The following CHD1 variants were observed in gnomAD, a reference collection of about 807,000 sequenced individuals.
The protein encoded by CHD1 is chromodomain helicase DNA binding protein 1.
Under a neutral mutation model 224.2 loss-of-function variants are expected in CHD1, and 36 were observed. The ratio of observed to expected loss-of-function variants is 0.16; its 90% CI spans 0.12 to 0.21. The LOEUF is 0.21. CHD1 is among the 10% of genes least tolerant of loss of function. The pLI is 1.00. For synonymous variants in CHD1, 668 were observed against 658.3 expected, an observed-to-expected ratio of 1.01 and a Z score of -0.23; for missense variants, 1,378 against 1,994.8, an observed-to-expected ratio of 0.69 and a Z score of 5.89.
intron 2 of CHD1, among the ~76,000 whole-genome samples, chr5:98,922,875 G>A (rs908864964): frequency 6.6e-6 from 1 of 152,128 alleles, no homozygotes; most frequent in Non-Finnish European, 1.5e-5. Flanking sequence ...TGTAGTCCCA[G>A]CTACTCGGGA....
chr5:98,903,659 T>A, intron 4 of CHD1, 133 bp downstream of exon 4: 1 of 732,390 alleles, frequency 1.4e-6, no homozygotes, highest in Non-Finnish European at 2.4e-6. Context: ...TCAAGATTCT[T>A]GATATATACA....
At position 98,926,477 on chromosome 5, in the gene CHD1, T is replaced by A; in HGVS notation, c.-91A>T. On this transcript the variant is annotated 5_prime_UTR_variant, in exon 2 of 36. Coordinates refer to ENST00000614616, the MANE Select transcript of CHD1 (RefSeq NM_001270.4). ...AATACTGACTCCTTGAATATAAAAA[T>A]TCACAGATGAATTTTCTTCAACAGT... The A allele has an allele frequency of 1.7e-6, 1 of 596,900 alleles. No homozygotes were observed. The highest frequency in any genetic ancestry group is 2.7e-6 in the Non-Finnish European group (1 of 375,256). The allele number at this position is 596,900 out of a possible 1,614,324, so 37.0% of individuals were successfully genotyped here.
chr5:98,927,573 C>A (rs1753557521), intron 1 of CHD1, among the ~76,000 whole-genome samples: 1 of 152,214 alleles, frequency 6.6e-6, no homozygotes. Context: ...GTAGACTCTG[C>A]AAGAACAGGT....
At chr5:98,881,940 CTAAAA>C in intron 20 of CHD1, 30 bp downstream of exon 20, 1 of 1,591,864 alleles carries the variant, frequency 6.3e-7, no homozygotes, top group Non-Finnish European at 8.6e-7. Flanking sequence ...TTTACTGACT[CTAAAA>C]TGACATTTTT....
chr5:98,906,570 T>C (rs989851626), intron 2 of CHD1, among the ~76,000 whole-genome samples: 2 of 152,196 alleles, frequency 1.3e-5, no homozygotes, highest in African/African-American at 2.4e-5. Context: ...GAAGTCTTTA[T>C]CATCAAAAGA....
chr5:98,871,618 T>C (rs912010363), intron 28 of CHD1, among the ~76,000 whole-genome samples: 1 of 151,982 alleles, frequency 6.6e-6, no homozygotes, highest in African/African-American at 2.4e-5. Flanking sequence ...CATTATAAAA[T>C]AGCTAGAAAA....
rs994470333 is a variant in CHD1, at chr5:98,888,035, T to C, written c.2496+53A>G. The C allele has an allele frequency of 2.5e-6, 3 of 1,201,808 alleles. No individual in the cohort carries two copies. The Admixed American group carries it at 7.3e-5, about 29-fold the overall frequency. The allele number at this position is 1,201,808 out of a possible 1,614,324, so 74.4% of individuals were successfully genotyped here. On this transcript the variant is annotated intron_variant, in intron 17 of 35. Coordinates refer to ENST00000614616, the MANE Select transcript of CHD1 (RefSeq NM_001270.4). The stretch of plus-strand genomic sequence containing the variant: ...AATAATTTCAGTTAATTCTGTAAAA[T>C]ATGCACAGGAATTAGATAAAATTTA...
chr5:98,879,467 G>A, intron 23 of CHD1, 85 bp downstream of exon 23: 3 of 1,227,986 alleles, frequency 2.4e-6, no homozygotes, highest in Non-Finnish European at 2.2e-6. Flanking sequence ...GAAAACTATG[G>A]ACTGATACCT....
At chr5:98,886,932 A>AT (rs761067818) in intron 17 of CHD1, among the ~76,000 whole-genome samples, 71 of 152,218 alleles carry the variant, frequency 4.7e-4, no homozygotes, top group Non-Finnish European at 8.4e-4. Flanking sequence ...AGTCAAACTA[A>AT]TTTTTTGTTT....
intron 34 of CHD1, 41 bp from the exon 35 acceptor site, chr5:98,858,431 A>G: frequency 6.5e-7 from 1 of 1,527,986 alleles, no homozygotes; most frequent in South Asian, 1.2e-5. Flanking sequence ...CCTTAAAAAT[A>G]ATGTGGCAAA....
At chr5:98,877,591 G>C (rs568648833) in intron 23 of CHD1, among the ~76,000 whole-genome samples, 4 of 152,144 alleles carry the variant, frequency 2.6e-5, no homozygotes, top group Non-Finnish European at 5.9e-5. Context: ...TGTAAGTCTT[G>C]GGAGTTTTTC....
intron 23 of CHD1, among the ~76,000 whole-genome samples, chr5:98,878,612 A>G (rs1249549756): frequency 1.3e-5 from 2 of 152,328 alleles, no homozygotes; most frequent in African/African-American, 4.8e-5. Flanking sequence ...TACTTAGGCC[A>G]CTGAATAAAC....
At chr5:98,870,419 G>A (rs325209) in intron 29 of CHD1, among the ~76,000 whole-genome samples, 20,826 of 151,622 alleles carry the variant, frequency 0.14, 1,809 homozygotes, top group Middle Eastern at 0.26. Flanking sequence ...TACTCCGCAC[G>A]CTAAACGAGT....
intron 35 of CHD1, 34 bp downstream of exon 35, chr5:98,858,146 T>G (rs181472299): frequency 1.3e-4 from 206 of 1,572,696 alleles, no homozygotes; most frequent in Admixed American, 7.2e-4. Context: ...AAAACATGCA[T>G]AAGCAAAATT....
intron 29 of CHD1, among the ~76,000 whole-genome samples, chr5:98,870,223 G>C (rs974597711): frequency 2.0e-5 from 3 of 152,176 alleles, no homozygotes; most frequent in Admixed American, 2.0e-4. Flanking sequence ...TACACAGGTA[G>C]TTATTGACAT....
intron 2 of CHD1, among the ~76,000 whole-genome samples, chr5:98,923,915 T>C (rs1753275257): frequency 6.6e-6 from 1 of 152,224 alleles, no homozygotes; most frequent in Admixed American, 6.5e-5. Context: ...TTCCTTTGTT[T>C]CCTCTAGGTA....
intron 2 of CHD1, among the ~76,000 whole-genome samples, chr5:98,922,823 T>C (rs1753192467): frequency 6.6e-6 from 1 of 152,286 alleles, no homozygotes; most frequent in Non-Finnish European, 1.5e-5. Context: ...ACACCGTCTC[T>C]GCTAAAAATA....
In CHD1 at chr5:98,856,704, T is replaced by C. The variant is rs781302916; in HGVS notation, c.4809A>G (p.Lys1603=). The change falls in exon 36 of 36, where the codon AAA becomes AAG. Residue 1603 remains lysine, a synonymous_variant. Coordinates refer to ENST00000614616, the MANE Select transcript of CHD1 (RefSeq NM_001270.4). ...TCCTGTGATCATCCAGTTTTCTGTG[T>C]TTCTCTCTGTCACTGTAATATCTAA... ...QDSRYYSDRE[K]HRKLDDHRSR... The C allele has an allele frequency of 6.2e-7, 1 of 1,607,238 alleles. No individual in the cohort carries two copies. The highest frequency in any genetic ancestry group is 1.1e-5 in the South Asian group (1 of 90,900).
At chr5:98,892,746 G>GA (rs763065597) in intron 14 of CHD1, 33 bp from the exon 15 acceptor site, 10 of 1,468,018 alleles carry the variant, frequency 6.8e-6, no homozygotes, top group Middle Eastern at 1.8e-4. Flanking sequence ...ACAATTACTA[G>GA]AAAAAATCAA....
Sources: allele counts gnomAD v4.1 joint callset (sites outside exome capture counted in the v4.1 genomes callset), GRCh38; gene constraint gnomAD v4.1.1; transcripts MANE v1.5; gene names NCBI Gene and HGNC (gene_info 2026-07-23, HGNC 2026-07-21).